The following POLE2 variants were observed in gnomAD, a reference collection of about 807,000 sequenced individuals.
The protein encoded by POLE2 is DNA polymerase epsilon 2, accessory subunit.
Under a neutral mutation model 79.4 loss-of-function variants are expected in POLE2, and 56 were observed. That is an observed-to-expected ratio of 0.71 (90% CI 0.57 to 0.88). The LOEUF is 0.88. POLE2 is among the 40% of genes least tolerant of loss of function. POLE2 has a pLI of 0.00. For synonymous variants in POLE2, 212 were observed against 214.0 expected, an observed-to-expected ratio of 0.99 and a Z score of 0.08; for missense variants, 598 against 638.9, an observed-to-expected ratio of 0.94 and a Z score of 0.69.
At position 49,654,056 on chromosome 14, in the gene POLE2, G is replaced by A. The variant is rs1358301025; in HGVS notation, c.1145C>T (p.Ala382Val). 1 of 1,602,424 alleles carries A rather than the reference G, an allele frequency of 6.2e-7. No individual in the cohort carries two copies. Among genetic ancestry groups the A allele is most frequent in the Non-Finnish European group, 8.5e-7 (1 of 1,169,966 alleles). Residue 382 changes from alanine to valine, a missense_variant, in exon 15 of 19, where the codon GCT becomes GTT. Coordinates refer to ENST00000216367, the MANE Select transcript of POLE2 (RefSeq NM_002692.4). ...FGSILPRPPL[A>V]ESITNEFRQR... The stretch of plus-strand genomic sequence containing the variant: ...TCTGAATTCATTAGTGATGCTTTCA[G>A]CAAGTGGTGGCCTATAAAAACAATT...
At chr14:49,651,443 A>G in intron 15 of POLE2, 66 bp from the exon 16 acceptor site, 2 of 670,552 alleles carry the variant, frequency 3.0e-6, no homozygotes, top group Admixed American at 5.6e-5. Flanking sequence ...TAAAGGTAAA[A>G]TCTCTTACAA....
intron 9 of POLE2, 54 bp from the exon 10 acceptor site, chr14:49,663,441 CA>C: frequency 1.6e-6 from 2 of 1,224,082 alleles, no homozygotes; most frequent in Non-Finnish European, 2.4e-6. Flanking sequence ...TTTGAAAGGA[CA>C]AAATTATGTT....
chr14:49,683,571 G>A (rs1385673462), intron 2 of POLE2, 22 bp downstream of exon 2: 2 of 1,077,936 alleles, frequency 1.9e-6, no homozygotes, highest in Non-Finnish European at 2.8e-6. Context: ...CAATTTAGGA[G>A]TTATCAGAAA....
intron 2 of POLE2, 25 bp downstream of exon 2, chr14:49,683,567 AG>A: frequency 1.0e-6 from 1 of 1,002,194 alleles, no homozygotes; most frequent in Non-Finnish European, 1.6e-6. Context: ...TTAACAATTT[AG>A]GAGTTATCAG....
chr14:49,685,859 C>T (rs1471517120), intron 1 of POLE2, among the ~76,000 whole-genome samples: 1 of 151,916 alleles, frequency 6.6e-6, no homozygotes, highest in Non-Finnish European at 1.5e-5. Context: ...GAATTCCTGA[C>T]CTCGTGATCC....
chr14:49,671,534 T>C (rs1198220016), intron 5 of POLE2, among the ~76,000 whole-genome samples: 1 of 150,286 alleles, frequency 6.7e-6, no homozygotes, highest in Admixed American at 6.7e-5. Context: ...GGAGAATCGC[T>C]TGAACCCAGG....
intron 18 of POLE2, among the ~76,000 whole-genome samples, chr14:49,646,301 G>GTTTTTTTTT (rs1566522550): frequency 2.2e-5 from 2 of 90,756 alleles, no homozygotes; most frequent in African/African-American, 9.5e-5. Flanking sequence ...TTTTTTTGTT[G>GTTTTTTTTT]GTTTTTTTTT....
At chr14:49,652,158 T>G (rs1884296050) in intron 15 of POLE2, among the ~76,000 whole-genome samples, 1 of 43,300 alleles carries the variant, frequency 2.3e-5, no homozygotes, top group Admixed American at 2.2e-4. Flanking sequence ...GCGTTAAGAA[T>G]AGAATACGGA....
intron 3 of POLE2, chr14:49,679,469 C>A (rs1215350928): frequency 8.3e-6 from 3 of 359,586 alleles, no homozygotes; most frequent in East Asian, 4.4e-5. Context: ...TCAGATCAAC[C>A]GGTTGGGTAG....
chr14:49,675,901 C>G (rs1171989219), intron 3 of POLE2, among the ~76,000 whole-genome samples: 1 of 151,814 alleles, frequency 6.6e-6, no homozygotes, highest in East Asian at 1.9e-4. Flanking sequence ...TTACAGGCAC[C>G]CTCCACCACG....
chr14:49,672,450 C>G (rs1347405929), intron 5 of POLE2, among the ~76,000 whole-genome samples: 1 of 151,450 alleles, frequency 6.6e-6, no homozygotes, highest in Non-Finnish European at 1.5e-5. Flanking sequence ...TCTTGTGCTT[C>G]TGCCATATAA....
intron 10 of POLE2, among the ~76,000 whole-genome samples, chr14:49,661,750 T>C (rs879832206): frequency 6.6e-6 from 1 of 152,176 alleles, no homozygotes; most frequent in African/African-American, 2.4e-5. Context: ...AATTTTATAT[T>C]TTGAAGGCAT....
rs1282360147 is a variant in POLE2, at chr14:49,663,985, C to T, written c.683-598G>A. Among the ~76,000 whole-genome samples, 3 of 150,874 alleles carry T rather than the reference C, an allele frequency of 2.0e-5. No homozygotes were observed. The East Asian group carries it at 5.9e-4, about 30-fold the overall frequency. ...CCGGGAGGCAGAGCTTGCAGTGAGC[C>T]GAGATCGTGCCATTGCACTCCAGCC... is the stretch of plus-strand genomic sequence containing the variant. On this transcript the variant is annotated intron_variant, in intron 9 of 18. Transcript: ENST00000216367.
At chr14:49,681,808 T>G (rs1594618725) in intron 2 of POLE2, 2 of 119,280 alleles carry the variant, frequency 1.7e-5, no homozygotes, top group African/African-American at 6.7e-5. Context: ...GGCAACAGAG[T>G]GAGACTCTGT....
At chr14:49,649,458 CTTTT>C (rs1204266681) in intron 17 of POLE2, among the ~76,000 whole-genome samples, 4 of 120,358 alleles carry the variant, frequency 3.3e-5, no homozygotes, top group Non-Finnish European at 5.3e-5. Flanking sequence ...TATTTCTTTT[CTTTT>C]TTTTTGAGAT....
chr14:49,674,936 A>G (rs1886157687), intron 3 of POLE2, among the ~76,000 whole-genome samples: 1 of 152,156 alleles, frequency 6.6e-6, no homozygotes, highest in Non-Finnish European at 1.5e-5. Flanking sequence ...ATCTCAAGGG[A>G]CAAGAAAGCA....
At chr14:49,655,954 G>T in intron 10 of POLE2, 111 bp from the exon 11 acceptor site, 1 of 609,094 alleles carries the variant, frequency 1.6e-6, no homozygotes, top group Non-Finnish European at 2.9e-6. Context: ...AGTGTAAAAA[G>T]GTACTCTTTG....
chr14:49,674,857 T>C (rs1886150924), intron 3 of POLE2, among the ~76,000 whole-genome samples: 1 of 152,022 alleles, frequency 6.6e-6, no homozygotes, highest in African/African-American at 2.4e-5. Flanking sequence ...TGAGCCACCA[T>C]GCCCAGCCCA....
At chr14:49,663,268 C>G (rs1416353830) in intron 10 of POLE2, 47 bp downstream of exon 10, 3 of 918,686 alleles carry the variant, frequency 3.3e-6, no homozygotes, top group Non-Finnish European at 4.9e-6. Context: ...TTCACTCCTG[C>G]CAGTATTACC....
Sources: allele counts gnomAD v4.1 joint callset (sites outside exome capture counted in the v4.1 genomes callset), GRCh38; gene constraint gnomAD v4.1.1; transcripts MANE v1.5; gene names NCBI Gene and HGNC (gene_info 2026-07-23, HGNC 2026-07-21).